Variants in ACOT13 observed in about 807,000 individuals in gnomAD.
ACOT13 encodes acyl-coenzyme A thioesterase 13.
Under a neutral mutation model 11.8 loss-of-function variants are expected in ACOT13, and 10 were observed. The observed-to-expected ratio is 0.85, with a 90% CI of 0.53 to 1.44. The LOEUF (loss-of-function observed/expected upper bound fraction) is 1.44, where lower values mean the gene tolerates loss of function less well. ACOT13 is among the 40% of genes most tolerant of loss of function. The pLI, the probability that ACOT13 is intolerant of heterozygous loss-of-function variation, is 0.00. For synonymous variants in ACOT13, 53 were observed against 61.0 expected (o/e 0.87, Z 0.61); for missense variants, 172 against 174.1 (o/e 0.99, Z 0.07).
intron 1 of ACOT13, among the ~76,000 whole-genome samples, chr6:24,690,352 GCTC>G (rs1778701818): frequency 6.6e-6 from 1 of 152,162 alleles, no homozygotes; most frequent in Admixed American, 6.6e-5. Flanking sequence ...GATAAGAAAG[GCTC>G]CTTCCCTGTC....
intron 1 of ACOT13, among the ~76,000 whole-genome samples, chr6:24,691,099 G>A (rs746195708): frequency 9.2e-5 from 14 of 152,198 alleles, no homozygotes; most frequent in Non-Finnish European, 1.5e-4. Flanking sequence ...AGTGCCTAGT[G>A]GAAGGTGCCC....
intron 1 of ACOT13, among the ~76,000 whole-genome samples, chr6:24,682,095 G>T (rs1035396775): frequency 2.6e-5 from 4 of 152,224 alleles, no homozygotes; most frequent in Admixed American, 6.5e-5. Flanking sequence ...ACCCAGAAGG[G>T]TTGGGGGTTG....
chr6:24,667,244 A>G lies in ACOT13; in HGVS notation c.-20A>G, dbSNP rs1778273603. On this transcript the variant is annotated 5_prime_UTR_variant, in exon 1 of 3. Transcript: ENST00000230048. ...AAGTTCGTTCTTGCGCAAAGCCCAA[A>G]GGCTGGAAAACCGTCCACGATGACC... 6.2e-7 allele frequency: 1 copy of G among 1,613,186 alleles called. No homozygotes were observed. The highest frequency in any genetic ancestry group is 8.5e-7 in the Non-Finnish European group (1 of 1,179,570).
rs1229294531 is a variant in ACOT13, at chr6:24,704,382, G to C, written c.*2767G>C. 6.6e-6 allele frequency: 1 copy of C among 152,208 alleles called. No individual in the cohort carries two copies. Among genetic ancestry groups the C allele is most frequent in the East Asian group, 1.9e-4 (1 of 5,206 alleles). 9.4% of individuals were successfully genotyped at this position (152,208 alleles called of 1,614,324 possible). A position where few individuals can be genotyped will look rare whatever the true frequency, so the allele number is the denominator to read the frequency against. ...AAAATGCCTAACTTGGTGAACATAA[G>C]TGTAATTCAATATGGTAAATTAATT... On this transcript the variant is annotated 3_prime_UTR_variant, in exon 3 of 3. Coordinates refer to ENST00000230048, the MANE Select transcript of ACOT13 (RefSeq NM_018473.4).
chr6:24,674,003 T>C (rs1236943222), intron 1 of ACOT13, among the ~76,000 whole-genome samples: 15 of 152,238 alleles, frequency 9.9e-5, no homozygotes, highest in Admixed American at 9.8e-4. Flanking sequence ...TCTTATTTCC[T>C]GATTCCTTTA....
At position 24,701,764 on chromosome 6, in the gene ACOT13, A is replaced by G; in HGVS notation, c.*149A>G. ...AAAGGACCTGGATATCAAGTAGGGT[A>G]AAGGTGGGGGTGTCTTTTTTCACTT... On this transcript the variant is annotated 3_prime_UTR_variant, in exon 3 of 3. Coordinates refer to ENST00000230048, the MANE Select transcript of ACOT13 (RefSeq NM_018473.4). 1 of 749,396 alleles carries G rather than the reference A, an allele frequency of 1.3e-6. No homozygotes were observed. The highest frequency in any genetic ancestry group is 4.3e-4 in the Middle Eastern group (1 of 2,314). The allele number at this position is 749,396 out of a possible 1,614,324, so 46.4% of individuals were successfully genotyped here.
chr6:24,678,179 A>G (rs6916165), intron 1 of ACOT13, among the ~76,000 whole-genome samples: 59,665 of 151,838 alleles, frequency 0.39, 12,697 homozygotes, highest in Non-Finnish European at 0.5. Context: ...CATTGGGTTC[A>G]AAGGATCTTC....
At chr6:24,691,490 A>G (rs1191026251) in intron 1 of ACOT13, among the ~76,000 whole-genome samples, 1 of 152,218 alleles carries the variant, frequency 6.6e-6, no homozygotes. Flanking sequence ...AAAGGAAAAT[A>G]AAGGTGGAAG....
intron 1 of ACOT13, among the ~76,000 whole-genome samples, chr6:24,696,419 A>T (rs751813785): frequency 6.6e-6 from 1 of 152,214 alleles, no homozygotes; most frequent in Non-Finnish European, 1.5e-5. Flanking sequence ...TGCAAAATGG[A>T]TGTTGTCTCT....
chr6:24,696,682 C>T (rs1271486972), intron 1 of ACOT13, among the ~76,000 whole-genome samples: 1 of 152,068 alleles, frequency 6.6e-6, no homozygotes, highest in Non-Finnish European at 1.5e-5. Flanking sequence ...GATATTATAC[C>T]CTGATGGTTT....
intron 1 of ACOT13, 116 bp downstream of exon 1, chr6:24,667,460 C>A: frequency 1.1e-6 from 1 of 892,594 alleles, no homozygotes; most frequent in Non-Finnish European, 1.8e-6. Context: ...TTCTAGTACG[C>A]CTGTAAATTC....
chr6:24,698,180 T>A, intron 2 of ACOT13, 113 bp downstream of exon 2: 1 of 930,460 alleles, frequency 1.1e-6, no homozygotes, highest in Non-Finnish European at 1.5e-6. Context: ...GCTGCTTATC[T>A]CCTTAACTGC....
intron 1 of ACOT13, among the ~76,000 whole-genome samples, chr6:24,669,955 A>AT (rs1483207456): frequency 6.6e-6 from 1 of 152,222 alleles, no homozygotes; most frequent in Non-Finnish European, 1.5e-5. Context: ...AGGAAAAAAA[A>AT]GGAAAAGAAA....
chr6:24,694,370 G>C (rs1778763812), intron 1 of ACOT13, among the ~76,000 whole-genome samples: 1 of 152,148 alleles, frequency 6.6e-6, no homozygotes, highest in Non-Finnish European at 1.5e-5. Context: ...TTGAGGGTAG[G>C]CTGTTTTGCA....
intron 1 of ACOT13, among the ~76,000 whole-genome samples, chr6:24,688,311 G>A (rs1171365989): frequency 6.6e-6 from 1 of 152,080 alleles, no homozygotes; most frequent in Non-Finnish European, 1.5e-5. Flanking sequence ...GGTGAAGGCA[G>A]TAGGATAGCT....
chr6:24,687,444 A>C, intron 1 of ACOT13: 1 of 1,245,146 alleles, frequency 8.0e-7, no homozygotes, highest in Non-Finnish European at 1.0e-6. Flanking sequence ...ATCAACTGAC[A>C]CGCACTGTGC....
Position 24,667,211 on chromosome 6 carries a change from C to A in ACOT13, c.-53C>A. The A allele has an allele frequency of 1.3e-6, 2 of 1,562,540 alleles. No homozygotes were observed. Among genetic ancestry groups the A allele is most frequent in the East Asian group, 2.2e-5 (1 of 44,564 alleles). On this transcript the variant is annotated 5_prime_UTR_variant, in exon 1 of 3. Coordinates refer to ENST00000230048, the MANE Select transcript of ACOT13 (RefSeq NM_018473.4). ...TTTCACTAACTTCTGGACTTTCCAGCTCTTCCGAAGTTCGTTCTTGCGCAA... is the reference window on the plus strand; with the variant it reads ...TTTCACTAACTTCTGGACTTTCCAGATCTTCCGAAGTTCGTTCTTGCGCAA...
In ACOT13 at chr6:24,667,134, G is replaced by T. The variant is rs1014844621; in HGVS notation, c.-130G>T. 1.9e-5 allele frequency: 19 copies of T among 993,116 alleles called. No homozygotes were observed. Among genetic ancestry groups the T allele is most frequent in the Non-Finnish European group, 2.8e-5 (19 of 675,016 alleles). 61.5% of individuals were successfully genotyped at this position (993,116 alleles called of 1,614,324 possible). On this transcript the variant is annotated 5_prime_UTR_variant, in exon 1 of 3. Transcript: ENST00000230048. The stretch of plus-strand genomic sequence containing the variant: ...GCTCGCCTGACTCCCGGCCTCTTGC[G>T]CTCCTAGGGGCGGAGAAGGGTGCGG...
chr6:24,694,333 A>C (rs1297880447), intron 1 of ACOT13, among the ~76,000 whole-genome samples: 1 of 152,194 alleles, frequency 6.6e-6, no homozygotes, highest in Non-Finnish European at 1.5e-5. Flanking sequence ...ATCAGAACCC[A>C]GTTGTCTGTA....
Sources: allele counts gnomAD v4.1 joint callset (sites outside exome capture counted in the v4.1 genomes callset), GRCh38; gene constraint gnomAD v4.1.1; transcripts MANE v1.5; gene names NCBI Gene and HGNC (gene_info 2026-07-23, HGNC 2026-07-21).